KHDRBS2: variants seen among roughly 807,000 people sequenced by gnomAD.
KHDRBS2 encodes KH RNA binding domain containing, signal transduction associated 2.
KHDRBS2 carries 26 observed loss-of-function variants against 44.3 expected under a neutral mutation model. The observed-to-expected ratio is 0.59, with a 90% CI of 0.43 to 0.81. The LOEUF (loss-of-function observed/expected upper bound fraction) is 0.81. Ranked by LOEUF, KHDRBS2 falls within the 40% of genes least tolerant of loss-of-function variation. The pLI is 0.00. For synonymous variants in KHDRBS2, 194 were observed against 151.1 expected, an observed-to-expected ratio of 1.28 and a Z score of -2.08; for missense variants, 476 against 433.1, an observed-to-expected ratio of 1.10 and a Z score of -0.88.
chr6:62,161,573 CGG>C (rs3035515), intron 2 of KHDRBS2, among the ~76,000 whole-genome samples: 2,152 of 33,378 alleles, frequency 0.064, 202 homozygotes, highest in African/African-American at 0.21. Flanking sequence ...TTGGTATTTG[CGG>C]GGGGGGGGGG....
chr6:61,765,444 T>A (rs139605312), intron 6 of KHDRBS2, among the ~76,000 whole-genome samples: 14 of 152,174 alleles, frequency 9.2e-5, no homozygotes, highest in Admixed American at 3.3e-4. Context: ...AAGCAAGACC[T>A]GGTAAAAAAT....
the KHDRBS2 span, among the ~76,000 whole-genome samples, chr6:61,646,653 G>A: frequency 6.6e-6 from 1 of 152,068 alleles, no homozygotes; most frequent in Non-Finnish European, 1.5e-5. Flanking sequence ...GTTCAGAAAA[G>A]TCCTTGGAGT....
intron 2 of KHDRBS2, among the ~76,000 whole-genome samples, chr6:62,128,788 C>T (rs1000605609): frequency 4.0e-5 from 6 of 151,438 alleles, no homozygotes; most frequent in African/African-American, 9.7e-5. Context: ...ACAATTACAA[C>T]GACACAATAA....
At chr6:61,565,368 A>G in the KHDRBS2 span, among the ~76,000 whole-genome samples, 1 of 152,122 alleles carries the variant, frequency 6.6e-6, no homozygotes, top group Non-Finnish European at 1.5e-5. Context: ...CAATCAACAA[A>G]CTGGAAAGAC....
intron 3 of KHDRBS2, among the ~76,000 whole-genome samples, chr6:62,027,777 C>T (rs968052993): frequency 5.9e-5 from 9 of 152,008 alleles, no homozygotes; most frequent in South Asian, 2.1e-4. Flanking sequence ...GGGAGGGTGC[C>T]GTGCCTAGAG....
At chr6:62,122,819 G>A (rs1808002867) in intron 2 of KHDRBS2, among the ~76,000 whole-genome samples, 1 of 149,096 alleles carries the variant, frequency 6.7e-6, no homozygotes, top group Admixed American at 6.7e-5. Context: ...AACATCATCA[G>A]AGTACTTGGA....
intron 7 of KHDRBS2, among the ~76,000 whole-genome samples, chr6:61,712,521 G>T (rs1770675093): frequency 6.6e-6 from 1 of 151,934 alleles, no homozygotes; most frequent in African/African-American, 2.4e-5. Flanking sequence ...AAAATAGAAT[G>T]AAGTATTTGG....
intron 2 of KHDRBS2, among the ~76,000 whole-genome samples, chr6:62,077,294 C>T (rs547216933): frequency 6.6e-6 from 1 of 152,072 alleles, no homozygotes; most frequent in South Asian, 2.1e-4. Context: ...TCAGACCTAC[C>T]AGAAGCAATT....
chr6:61,971,290 C>A (rs1386440599), intron 4 of KHDRBS2, among the ~76,000 whole-genome samples: 3 of 152,056 alleles, frequency 2.0e-5, no homozygotes, highest in African/African-American at 7.2e-5. Flanking sequence ...AATAGGGATT[C>A]TCTGAAGTTT....
At chr6:61,921,274 T>A (rs1328794700) in intron 4 of KHDRBS2, among the ~76,000 whole-genome samples, 1 of 151,992 alleles carries the variant, frequency 6.6e-6, no homozygotes, top group Non-Finnish European at 1.5e-5. Context: ...GAATAAATGC[T>A]AAATTGTACC....
intron 2 of KHDRBS2, among the ~76,000 whole-genome samples, chr6:62,069,129 TA>T (rs1794415833): frequency 6.6e-6 from 1 of 151,606 alleles, no homozygotes; most frequent in East Asian, 2.0e-4. Context: ...CTTGTGTAGT[TA>T]AAAATCTACA....
chr6:61,692,416 G>A, intron 8 of KHDRBS2, among the ~76,000 whole-genome samples: 1 of 151,538 alleles, frequency 6.6e-6, no homozygotes, highest in South Asian at 2.1e-4. Flanking sequence ...ATGTTAATAA[G>A]TCATTTATAA....
chr6:62,087,833 C>A (rs1798695247), intron 2 of KHDRBS2, among the ~76,000 whole-genome samples: 1 of 152,186 alleles, frequency 6.6e-6, no homozygotes, highest in Admixed American at 6.5e-5. Flanking sequence ...GTACACCAAT[C>A]AAATGTAGGT....
intron 3 of KHDRBS2, among the ~76,000 whole-genome samples, chr6:62,030,482 A>G (rs1248246755): frequency 2.0e-5 from 3 of 152,222 alleles, no homozygotes; most frequent in Middle Eastern, 3.4e-3. Flanking sequence ...CTAGGGAATG[A>G]GAATCAAGTT....
intron 7 of KHDRBS2, among the ~76,000 whole-genome samples, chr6:61,714,592 G>T (rs1771074561): frequency 6.6e-6 from 1 of 151,734 alleles, no homozygotes; most frequent in Non-Finnish European, 1.5e-5. Flanking sequence ...AAAAATACCT[G>T]CACTCATATG....
At chr6:62,063,117 T>G (rs1792464871) in intron 2 of KHDRBS2, among the ~76,000 whole-genome samples, 1 of 115,456 alleles carries the variant, frequency 8.7e-6, no homozygotes, top group African/African-American at 3.0e-5. Flanking sequence ...TAACAGGATC[T>G]GAAATTGAGG....
At chr6:61,614,270 CAG>C in the KHDRBS2 span, among the ~76,000 whole-genome samples, 2 of 152,122 alleles carry the variant, frequency 1.3e-5, no homozygotes, top group Non-Finnish European at 2.9e-5. Flanking sequence ...GGGTGGGAAT[CAG>C]AGAGGTATCA....
chr6:61,678,951 A>G (rs1197263565), downstream of KHDRBS2: 1 of 151,922 alleles, frequency 6.6e-6, no homozygotes, highest in Non-Finnish European at 1.5e-5. Flanking sequence ...TGGGTACCTG[A>G]AATAATGAGA....
chr6:61,875,337 G>A (rs1335193195), intron 6 of KHDRBS2, among the ~76,000 whole-genome samples: 1 of 152,046 alleles, frequency 6.6e-6, no homozygotes, highest in Non-Finnish European at 1.5e-5. Flanking sequence ...TCAGGATGTG[G>A]TGGAAGATGG....
Sources: gnomAD v4.1 joint callset for allele counts (sites outside exome capture counted in the v4.1 genomes callset) on GRCh38, gnomAD v4.1.1 for gene constraint, MANE v1.5 for transcripts, NCBI Gene and HGNC (gene_info 2026-07-23, HGNC 2026-07-21) for gene names.